The following MLIP variants were observed in gnomAD, a reference collection of about 807,000 sequenced individuals.
The protein encoded by MLIP is muscular LMNA interacting protein, also known as muscular LMNA-interacting protein.
MLIP carries 79 observed loss-of-function variants against 84.8 expected under a neutral mutation model. The ratio of observed to expected loss-of-function variants is 0.93; its 90% CI spans 0.78 to 1.12. MLIP has a LOEUF of 1.12. Among genes scored for constraint, MLIP ranks in the 50% most tolerant of loss-of-function variants. The probability of loss-of-function intolerance (pLI) is 0.00; values close to 1 mark genes in which losing one functional copy is unlikely to be tolerated. For synonymous variants in MLIP, 504 were observed against 463.0 expected (o/e 1.09, Z -1.14); for missense variants, 1,257 against 1,160.6 (o/e 1.08, Z -1.21).
At chr6:54,223,831 A>G (rs937919352) in intron 11 of MLIP, among the ~76,000 whole-genome samples, 2 of 152,138 alleles carry the variant, frequency 1.3e-5, no homozygotes, top group African/African-American at 4.8e-5. Flanking sequence ...TCGAAAAAAT[A>G]GAAAATAAAA....
Position 54,149,013 on chromosome 6 carries a change from C to G in MLIP, c.2218-43C>G, listed in dbSNP as rs1372185552. The G allele has an allele frequency of 2.0e-6, 3 of 1,495,484 alleles. No individual in the cohort carries two copies. In the African/African-American group the frequency reaches 4.1e-5, roughly 21 times the overall value. The allele number at this position is 1,495,484 out of a possible 1,614,324, so 92.6% of individuals were successfully genotyped here. ...GTCTGAAAATTATGTCATATTCTTT[C>G]CCATTTTCATCTCTACTCTTGCTTT... is the stretch of plus-strand genomic sequence containing the variant. On this transcript the variant is annotated intron_variant, in intron 4 of 13. Coordinates refer to ENST00000502396, the MANE Select transcript of MLIP (RefSeq NM_001281747.2).
intron 1 of MLIP, among the ~76,000 whole-genome samples, chr6:54,115,761 GT>G (rs2150416480): frequency 6.6e-6 from 1 of 152,260 alleles, no homozygotes; most frequent in Admixed American, 6.5e-5. Flanking sequence ...AAAGCTGGAA[GT>G]TTTTAGACAA....
chr6:54,084,157 C>T (rs1431290744), intron 1 of MLIP, among the ~76,000 whole-genome samples: 1 of 152,094 alleles, frequency 6.6e-6, no homozygotes, highest in African/African-American at 2.4e-5. Flanking sequence ...CTTCCTTGAA[C>T]TTTTTTGCTC....
chr6:54,266,104 T>C lies in MLIP; in HGVS notation c.*149T>C. ...CAGCAGAACCAAAAAAAAAGTTTGC[T>C]GCAATTATATAGCATCACAGTGCTC... On this transcript the variant is annotated 3_prime_UTR_variant, in exon 14 of 14. Transcript: ENST00000502396. The C allele has an allele frequency of 1.4e-6, 1 of 710,606 alleles. No individual in the cohort carries two copies. Among genetic ancestry groups the C allele is most frequent in the South Asian group, 1.8e-5 (1 of 56,404 alleles). 44.0% of individuals were successfully genotyped at this position (710,606 alleles called of 1,614,324 possible).
intron 1 of MLIP, chr6:54,019,167 AAAGT>A: frequency 6.7e-7 from 1 of 1,483,532 alleles, no homozygotes; most frequent in Non-Finnish European, 9.3e-7. Context: ...ATAGACTGGA[AAAGT>A]TGTGCTAGCC....
chr6:54,054,992 A>C (rs1765576190), intron 1 of MLIP, among the ~76,000 whole-genome samples: 1 of 151,050 alleles, frequency 6.6e-6, no homozygotes, highest in African/African-American at 2.4e-5. Context: ...GGTTCACGCC[A>C]TTCTCCTGCC....
chr6:54,027,374 T>TAC (rs70980886), intron 1 of MLIP, among the ~76,000 whole-genome samples: 115 of 148,614 alleles, frequency 7.7e-4, no homozygotes, highest in African/African-American at 2.5e-3. Context: ...ATAAAAAAAA[T>TAC]ACACACACAC....
intron 12 of MLIP, among the ~76,000 whole-genome samples, chr6:54,236,060 GC>G (rs891434319): frequency 6.6e-6 from 1 of 152,132 alleles, no homozygotes; most frequent in African/African-American, 2.4e-5. Context: ...TCTCTTGGAT[GC>G]CCTACATATC....
At chr6:54,254,746 T>C (rs56173537) in intron 12 of MLIP, among the ~76,000 whole-genome samples, 9,285 of 100,422 alleles carry the variant, frequency 0.092, 752 homozygotes, top group African/African-American at 0.3. Flanking sequence ...CTCCCTCCCT[T>C]CCTTCCTTCC....
chr6:54,031,224 G>A (rs1394505424), intron 1 of MLIP, among the ~76,000 whole-genome samples: 1 of 142,582 alleles, frequency 7.0e-6, no homozygotes, highest in Non-Finnish European at 1.6e-5. Flanking sequence ...ATTTTTTTTT[G>A]TAAAAAAATT....
chr6:54,112,850 C>A lies in MLIP; in HGVS notation c.96+1275C>A, dbSNP rs535198684. ...TACCGTTGTAAAAGCATACCTTATT[C>A]ATTGAAGCATCAGTTTTCATTCATA... On this transcript the variant is annotated intron_variant, in intron 1 of 13. Transcript: ENST00000502396. Among the ~76,000 whole-genome samples, 3 of 152,260 alleles carry A rather than the reference C, an allele frequency of 2.0e-5. No individual in the cohort carries two copies. The South Asian group carries it at 6.2e-4, about 32-fold the overall frequency.
At chr6:54,211,127 C>T (rs986199291) in intron 11 of MLIP, among the ~76,000 whole-genome samples, 1 of 152,094 alleles carries the variant, frequency 6.6e-6, no homozygotes, top group Non-Finnish European at 1.5e-5. Flanking sequence ...ATAATCCCAG[C>T]TACTCAGGAG....
chr6:54,152,576 A>G (rs1382678044), intron 5 of MLIP, among the ~76,000 whole-genome samples: 1 of 152,102 alleles, frequency 6.6e-6, no homozygotes, highest in Non-Finnish European at 1.5e-5. Context: ...ACTGGCACCC[A>G]TGATTCAGTT....
intron 12 of MLIP, among the ~76,000 whole-genome samples, chr6:54,249,767 A>T (rs542579031): frequency 2.0e-5 from 3 of 151,928 alleles, no homozygotes; most frequent in African/African-American, 7.3e-5. Flanking sequence ...ATATATATAC[A>T]CATGTATACA....
At chr6:54,255,601 G>T (rs368953758) in intron 12 of MLIP, among the ~76,000 whole-genome samples, 1 of 152,058 alleles carries the variant, frequency 6.6e-6, no homozygotes, top group Non-Finnish European at 1.5e-5. Context: ...GTCATTTTCT[G>T]TTCTCTTTCA....
At chr6:54,167,063 T>C (rs1280858) in intron 8 of MLIP, among the ~76,000 whole-genome samples, 142,998 of 151,966 alleles carry the variant, frequency 0.94, 67,856 homozygotes, top group Non-Finnish European at 1. Context: ...GATTATGCCA[T>C]GGCTTCTGCA....
intron 1 of MLIP, among the ~76,000 whole-genome samples, chr6:54,044,284 A>T (rs763666187): frequency 6.6e-6 from 1 of 152,200 alleles, no homozygotes; most frequent in Non-Finnish European, 1.5e-5. Context: ...TTAAGAGTGA[A>T]TGGAAACAGA....
intron 12 of MLIP, among the ~76,000 whole-genome samples, chr6:54,233,982 G>A (rs2150814194): frequency 6.6e-6 from 1 of 152,202 alleles, no homozygotes; most frequent in South Asian, 2.1e-4. Context: ...TTTGTTGGCT[G>A]CATAAATGTC....
chr6:54,236,379 T>A (rs974959027), intron 12 of MLIP, among the ~76,000 whole-genome samples: 2 of 152,176 alleles, frequency 1.3e-5, no homozygotes, highest in Admixed American at 1.3e-4. Flanking sequence ...GGCGGCTGGA[T>A]CACCTGAGGT....
Sources: gnomAD v4.1 joint callset for allele counts (sites outside exome capture counted in the v4.1 genomes callset) on GRCh38, gnomAD v4.1.1 for gene constraint, MANE v1.5 for transcripts, NCBI Gene and HGNC (gene_info 2026-07-23, HGNC 2026-07-21) for gene names.